Variants in PTPRD observed in about 807,000 individuals in gnomAD.
The protein encoded by PTPRD is protein tyrosine phosphatase receptor type D.
A neutral mutation model predicts 214.5 loss-of-function variants in PTPRD; 34 were observed. That is an observed-to-expected ratio of 0.16 (90% CI 0.12 to 0.21). The LOEUF is 0.21. Ranked by LOEUF, PTPRD falls within the 10% of genes least tolerant of loss-of-function variation. PTPRD has a pLI of 1.00. For synonymous variants in PTPRD, 1,128 were observed against 845.7 expected, an observed-to-expected ratio of 1.33 and a Z score of -5.79; for missense variants, 2,545 against 2,398.7, an observed-to-expected ratio of 1.06 and a Z score of -1.27.
At chr9:9,012,398 A>G (rs924611343) in intron 11 of PTPRD, among the ~76,000 whole-genome samples, 12 of 152,182 alleles carry the variant, frequency 7.9e-5, no homozygotes, top group African/African-American at 2.9e-4. Context: ...CCTGCCCAAT[A>G]CGTACTTAGT....
intron 10 of PTPRD, among the ~76,000 whole-genome samples, chr9:9,021,679 G>A (rs1420808626): frequency 2.0e-5 from 3 of 152,086 alleles, no homozygotes; most frequent in Non-Finnish European, 4.4e-5. Flanking sequence ...TGTAGATGTG[G>A]AAGAGAGTGT....
At chr9:9,374,952 A>T (rs1245151621) in intron 9 of PTPRD, among the ~76,000 whole-genome samples, 3 of 152,184 alleles carry the variant, frequency 2.0e-5, no homozygotes, top group Non-Finnish European at 4.4e-5. Flanking sequence ...GATATAAAAG[A>T]CTTTTTAAAG....
At chr9:10,200,288 A>G (rs966583516) in intron 3 of PTPRD, among the ~76,000 whole-genome samples, 4 of 152,140 alleles carry the variant, frequency 2.6e-5, no homozygotes, top group Non-Finnish European at 2.9e-5. Flanking sequence ...CTGGTATAAC[A>G]TATAGATCAG....
chr9:8,585,724 T>C (rs1196278204), intron 14 of PTPRD, among the ~76,000 whole-genome samples: 1 of 152,238 alleles, frequency 6.6e-6, no homozygotes, highest in African/African-American at 2.4e-5. Context: ...GTGAAAGTTA[T>C]TTTTCTGAGT....
chr9:9,032,276 G>T (rs1354272376), intron 10 of PTPRD, among the ~76,000 whole-genome samples: 1 of 151,968 alleles, frequency 6.6e-6, no homozygotes, highest in Non-Finnish European at 1.5e-5. Flanking sequence ...GCAAATAGCT[G>T]CAGCTTCTCA....
At chr9:10,123,670 C>T (rs1248892006) in intron 3 of PTPRD, among the ~76,000 whole-genome samples, 6 of 152,080 alleles carry the variant, frequency 3.9e-5, no homozygotes, top group East Asian at 1.9e-4. Context: ...AAAAGAACAC[C>T]GTTATTTTGG....
At chr9:10,448,406 T>A (rs2098814184) in intron 2 of PTPRD, among the ~76,000 whole-genome samples, 1 of 151,996 alleles carries the variant, frequency 6.6e-6, no homozygotes, top group African/African-American at 2.4e-5. Context: ...ATGGCTCCAA[T>A]GGCTCCTGCC....
At chr9:9,480,054 T>A (rs1480309650) in intron 8 of PTPRD, among the ~76,000 whole-genome samples, 1 of 152,196 alleles carries the variant, frequency 6.6e-6, no homozygotes, top group Non-Finnish European at 1.5e-5. Flanking sequence ...GGATCAATTG[T>A]CCTATCACAG....
At chr9:9,968,828 A>C (rs930745542) in intron 4 of PTPRD, among the ~76,000 whole-genome samples, 5 of 152,196 alleles carry the variant, frequency 3.3e-5, no homozygotes, top group African/African-American at 1.2e-4. Context: ...AAAGGAAAGA[A>C]AACTTAATGA....
chr9:9,334,908 A>G (rs530733597), intron 9 of PTPRD, among the ~76,000 whole-genome samples: 25 of 152,082 alleles, frequency 1.6e-4, no homozygotes, highest in African/African-American at 5.5e-4. Context: ...ATATAATTCA[A>G]AATAAGTTAA....
intron 10 of PTPRD, among the ~76,000 whole-genome samples, chr9:9,097,470 G>A (rs947504346): frequency 2.6e-5 from 4 of 151,066 alleles, no homozygotes; most frequent in East Asian, 2.0e-4. Flanking sequence ...ATGCAGTGGC[G>A]CAATCTCAGC....
At chr9:8,718,427 C>T (rs936146308) in intron 12 of PTPRD, among the ~76,000 whole-genome samples, 1 of 152,148 alleles carries the variant, frequency 6.6e-6, no homozygotes, top group Non-Finnish European at 1.5e-5. Flanking sequence ...ATGTGTTGTT[C>T]AGTTGCTAAA....
At chr9:8,935,375 C>G (rs2098989883) in intron 11 of PTPRD, among the ~76,000 whole-genome samples, 2 of 151,606 alleles carry the variant, frequency 1.3e-5, no homozygotes, top group African/African-American at 4.8e-5. Flanking sequence ...AACAAACAAA[C>G]AATACAACCT....
At chr9:9,548,759 C>T (rs1029371921) in intron 8 of PTPRD, among the ~76,000 whole-genome samples, 3 of 151,934 alleles carry the variant, frequency 2.0e-5, no homozygotes, top group African/African-American at 7.3e-5. Flanking sequence ...CGAATATTAC[C>T]AGAGATAAAA....
intron 11 of PTPRD, among the ~76,000 whole-genome samples, chr9:8,775,233 G>A (rs922224555): frequency 6.6e-6 from 1 of 152,078 alleles, no homozygotes; most frequent in African/African-American, 2.4e-5. Context: ...TTTCAGGGGG[G>A]TCTTTTTTTC....
chr9:8,829,429 T>A (rs912550177), intron 11 of PTPRD, among the ~76,000 whole-genome samples: 18 of 152,232 alleles, frequency 1.2e-4, no homozygotes, highest in African/African-American at 4.3e-4. Context: ...TATACTGTTC[T>A]CGAGATTTAT....
chr9:9,474,238 T>C (rs975237597), intron 8 of PTPRD, among the ~76,000 whole-genome samples: 1 of 152,074 alleles, frequency 6.6e-6, no homozygotes, highest in African/African-American at 2.4e-5. Context: ...ATCTTCTTGG[T>C]ACCTCTATAG....
chr9:9,697,499 A>C (rs1170753132), intron 7 of PTPRD, among the ~76,000 whole-genome samples: 4 of 152,004 alleles, frequency 2.6e-5, no homozygotes, highest in Non-Finnish European at 4.4e-5. Flanking sequence ...ACATTTTTGC[A>C]TGTTTTCCCA....
chr9:9,516,379 T>C (rs1172934399), intron 8 of PTPRD, among the ~76,000 whole-genome samples: 1 of 152,056 alleles, frequency 6.6e-6, no homozygotes, highest in South Asian at 2.1e-4. Context: ...AGCCTCTACG[T>C]TGTGTGAACT....
Sources: gnomAD v4.1 joint callset for allele counts (sites outside exome capture counted in the v4.1 genomes callset) on GRCh38, gnomAD v4.1.1 for gene constraint, MANE v1.5 for transcripts, NCBI Gene and HGNC (gene_info 2026-07-23, HGNC 2026-07-21) for gene names.